The following RANBP2 variants were observed in gnomAD, a reference collection of about 807,000 sequenced individuals.
The protein encoded by RANBP2 is RAN binding protein 2.
Under a neutral mutation model 303.6 loss-of-function variants are expected in RANBP2, and 57 were observed. The observed-to-expected ratio is 0.19, with a 90% confidence interval of 0.15 to 0.23. RANBP2 has a LOEUF of 0.23. Ranked by LOEUF, RANBP2 falls within the 10% of genes least tolerant of loss-of-function variation. RANBP2 has a pLI of 1.00. For missense variants in RANBP2, 3,138 were observed against 3,780.8 expected (o/e 0.83, Z 4.46); for synonymous variants, 1,167 against 1,301.5 (o/e 0.90, Z 2.23).
the RANBP2 span, among the ~76,000 whole-genome samples, chr2:109,042,718 G>T: frequency 4.6e-5 from 7 of 152,222 alleles, no homozygotes; most frequent in Non-Finnish European, 7.3e-5. Context: ...CAGGAGGGAA[G>T]ATTGGTTCTA....
Position 108,781,431 on chromosome 2 carries a change from T to TAA in RANBP2, c.8760+4_8760+5dup. The TAA allele has an allele frequency of 6.2e-7, 1 of 1,613,938 alleles. No homozygotes were observed. The highest frequency in any genetic ancestry group is 8.5e-7 in the Non-Finnish European group (1 of 1,179,838). On this transcript the variant is annotated splice_region_variant and intron_variant, in intron 26 of 28. Coordinates refer to ENST00000283195, the MANE Select transcript of RANBP2 (RefSeq NM_006267.5). ...GAACCAATAGTGTCACTACCAGAGG[T>TAA]AAATGTTAAGGAATTAACCTTTTAC...
the RANBP2 span, among the ~76,000 whole-genome samples, chr2:109,725,979 C>T: frequency 3.6e-4 from 54 of 152,064 alleles, no homozygotes; most frequent in South Asian, 9.6e-3. Context: ...GTGATCCACC[C>T]GCCTTGGCCT....
At chr2:108,865,823 G>A in the RANBP2 span, among the ~76,000 whole-genome samples, 3 of 152,118 alleles carry the variant, frequency 2.0e-5, no homozygotes, top group Non-Finnish European at 4.4e-5. Context: ...GGTAGAGGGC[G>A]GGGTGGCTAT....
intron 20 of RANBP2, among the ~76,000 whole-genome samples, chr2:108,769,797 C>T (rs2699570): frequency 5.3e-5 from 8 of 151,398 alleles, no homozygotes; most frequent in Admixed American, 3.3e-4. Context: ...TATGTTGCAC[C>T]GATCAATTTT....
the RANBP2 span, chr2:108,930,292 T>A: frequency 6.2e-7 from 1 of 1,612,800 alleles, no homozygotes; most frequent in African/African-American, 1.3e-5. Flanking sequence ...TAGAAACACA[T>A]GTGACTCCTG....
At chr2:109,446,434 C>T in the RANBP2 span, among the ~76,000 whole-genome samples, 1 of 152,148 alleles carries the variant, frequency 6.6e-6, no homozygotes, top group African/African-American at 2.4e-5. Context: ...CAGCCTCCAG[C>T]GAACATGTAA....
the RANBP2 span, among the ~76,000 whole-genome samples, chr2:109,146,336 C>G: frequency 3.9e-5 from 6 of 152,236 alleles, no homozygotes; most frequent in African/African-American, 1.4e-4. Context: ...TCCAGCTTCC[C>G]AAAGGTGGCC....
At chr2:108,872,951 C>A in the RANBP2 span, among the ~76,000 whole-genome samples, 1 of 152,114 alleles carries the variant, frequency 6.6e-6, no homozygotes, top group Admixed American at 6.5e-5. Flanking sequence ...TGAGAGTAGT[C>A]TTTTTTTAAA....
At chr2:109,067,444 G>C in the RANBP2 span, among the ~76,000 whole-genome samples, 1 of 152,194 alleles carries the variant, frequency 6.6e-6, no homozygotes, top group Non-Finnish European at 1.5e-5. Context: ...TTTCACCATG[G>C]GGGAGGCAGC....
chr2:108,957,379 G>C, the RANBP2 span, among the ~76,000 whole-genome samples: 1 of 152,342 alleles, frequency 6.6e-6, no homozygotes, highest in East Asian at 1.9e-4. Flanking sequence ...TAGGAAGTCG[G>C]GGGCAGGTAA....
chr2:109,619,030 C>G, the RANBP2 span: 1 of 166,940 alleles, frequency 6.0e-6, no homozygotes, highest in Non-Finnish European at 1.5e-5. Context: ...GTCCTTTAGA[C>G]TTTTTACATA....
At chr2:109,456,022 C>T in the RANBP2 span, among the ~76,000 whole-genome samples, 8 of 152,342 alleles carry the variant, frequency 5.3e-5, no homozygotes, top group Non-Finnish European at 1.2e-4. Flanking sequence ...GCTCACGGAG[C>T]CCCTTGGCCC....
the RANBP2 span, among the ~76,000 whole-genome samples, chr2:109,118,944 G>T: frequency 6.6e-6 from 1 of 152,194 alleles, no homozygotes; most frequent in Non-Finnish European, 1.5e-5. Flanking sequence ...CCTGGCTGCA[G>T]GGGTGGTGGT....
chr2:109,355,368 A>G, the RANBP2 span, among the ~76,000 whole-genome samples: 234 of 152,322 alleles, frequency 1.5e-3, no homozygotes, highest in Non-Finnish European at 2.6e-3. Context: ...TAGTTCACTC[A>G]TCTACATCAA....
At chr2:109,627,331 A>G in the RANBP2 span, among the ~76,000 whole-genome samples, 1 of 151,922 alleles carries the variant, frequency 6.6e-6, no homozygotes, top group East Asian at 1.9e-4. Context: ...CAAGTAGCTG[A>G]GATTATAGGC....
At chr2:109,704,913 C>T in the RANBP2 span, among the ~76,000 whole-genome samples, 1 of 151,974 alleles carries the variant, frequency 6.6e-6, no homozygotes, top group African/African-American at 2.4e-5. Flanking sequence ...GAAACAGCAG[C>T]AATTCAGTGT....
chr2:108,783,010 T>G, intron 28 of RANBP2, 148 bp downstream of exon 28: 1 of 731,654 alleles, frequency 1.4e-6, no homozygotes, highest in Non-Finnish European at 2.3e-6. Flanking sequence ...ATGGCATCAC[T>G]ACCCATTCCC....
chr2:109,275,104 T>C, the RANBP2 span, among the ~76,000 whole-genome samples: 3 of 152,076 alleles, frequency 2.0e-5, no homozygotes, highest in East Asian at 5.8e-4. Context: ...AAAGAAAATG[T>C]GTTCCACGCT....
the RANBP2 span, chr2:108,878,509 C>A: frequency 4.6e-6 from 1 of 215,580 alleles, no homozygotes; most frequent in South Asian, 8.0e-5. Flanking sequence ...GTATCAAGGT[C>A]ACTGTCATCT....
Sources: allele counts gnomAD v4.1 joint callset (sites outside exome capture counted in the v4.1 genomes callset), GRCh38; gene constraint gnomAD v4.1.1; transcripts MANE v1.5; gene names NCBI Gene and HGNC (gene_info 2026-07-23, HGNC 2026-07-21).